The following NDST1 variants were observed in gnomAD, a reference collection of about 807,000 sequenced individuals.
The protein encoded by NDST1 is bifunctional heparan sulfate N-deacetylase/N-sulfotransferase 1.
Under a neutral mutation model 92.8 loss-of-function variants are expected in NDST1, and 35 were observed. The observed-to-expected ratio is 0.38, with a 90% CI of 0.29 to 0.50. The LOEUF is 0.50. NDST1 is among the 20% of genes least tolerant of loss of function. The pLI, the probability that NDST1 is intolerant of heterozygous loss-of-function variation, is 0.94. For missense variants in NDST1, 822 were observed against 1,182.7 expected, an observed-to-expected ratio of 0.69 and a Z score of 4.47; for synonymous variants, 493 against 500.3, an observed-to-expected ratio of 0.99 and a Z score of 0.19.
intron 1 of NDST1, among the ~76,000 whole-genome samples, chr5:150,498,472 G>A (rs948572801): frequency 2.0e-5 from 3 of 152,172 alleles, no homozygotes; most frequent in African/African-American, 2.4e-5. Context: ...CCCTGGCTCC[G>A]CACTCTGTGC....
At chr5:150,544,765 C>T (rs1355474669) in intron 10 of NDST1, among the ~76,000 whole-genome samples, 4 of 152,236 alleles carry the variant, frequency 2.6e-5, no homozygotes, top group African/African-American at 9.6e-5. Context: ...GAAAGCCGTG[C>T]TCACCCACAG....
At chr5:150,548,184 A>C in intron 11 of NDST1, 34 bp from the exon 12 acceptor site, 1 of 1,613,854 alleles carries the variant, frequency 6.2e-7, no homozygotes, top group Non-Finnish European at 8.5e-7. Context: ...TGTGTCCTCC[A>C]AGTGGCATGC....
At chr5:150,544,024 C>T (rs572616273) in intron 10 of NDST1, among the ~76,000 whole-genome samples, 168 of 152,264 alleles carry the variant, frequency 1.1e-3, no homozygotes, top group African/African-American at 3.8e-3. Flanking sequence ...GTGATCTGCC[C>T]GCCTCGGCCT....
At chr5:150,508,328 T>A in intron 1 of NDST1, 102 bp downstream of exon 1, 1 of 149,088 alleles carries the variant, frequency 6.7e-6, no homozygotes, top group Non-Finnish European at 1.5e-5. Context: ...TCTGAGTGTG[T>A]GTGTGTGTGT....
Position 150,556,083 on chromosome 5 carries a change from A to T in NDST1, c.*2751A>T, listed in dbSNP as rs370517144. ...AAGGACACCCCCTCCCGAGAAGAGA[A>T]GCCACAGATGAGTGGGCCAGCGAGG... On this transcript the variant is annotated 3_prime_UTR_variant, in exon 15 of 15. Coordinates refer to ENST00000261797, the MANE Select transcript of NDST1 (RefSeq NM_001543.5). 3.9e-5 allele frequency: 6 copies of T among 152,256 alleles called. No individual in the cohort carries two copies. The highest frequency in any genetic ancestry group is 1.9e-4 in the East Asian group (1 of 5,200). The allele number at this position is 152,256 out of a possible 1,614,324, so 9.4% of individuals were successfully genotyped here. A position where few individuals can be genotyped will look rare whatever the true frequency, so the allele number is the denominator to read the frequency against.
In NDST1 at chr5:150,556,300, G is replaced by A. The variant is rs1387505799; in HGVS notation, c.*2968G>A. On this transcript the variant is annotated 3_prime_UTR_variant, in exon 15 of 15. Transcript: ENST00000261797. ...ATTCAGAGTTCCAGAGCCTTCTGTGGTGGAGCATCCTGCTGCTTGGAGGAT... is the reference window on the plus strand; with the variant it reads ...ATTCAGAGTTCCAGAGCCTTCTGTGATGGAGCATCCTGCTGCTTGGAGGAT... 6.6e-6 allele frequency: 1 copy of A among 152,140 alleles called. No individual in the cohort carries two copies. Among genetic ancestry groups the A allele is most frequent in the Admixed American group, 6.5e-5 (1 of 15,274 alleles). The allele number at this position is 152,140 out of a possible 1,614,324, so 9.4% of individuals were successfully genotyped here.
In NDST1 at chr5:150,534,869, A is replaced by G; in HGVS notation, c.1099A>G (p.Thr367Ala). The G allele has an allele frequency of 6.2e-7, 1 of 1,614,252 alleles. No homozygotes were observed. ...CTGAGCTGCCTGTGTTGCTGCAGGT[A>G]CCAATGCTGAGGACGCTGGGGATGA... Reference protein sequence around the residue: ...GYSGKFFHTGTNAEDAGDDLL... With the variant: ...GYSGKFFHTGANAEDAGDDLL... The change falls in exon 5 of 15, where the codon ACC becomes GCC. Residue 367 changes from threonine (T) to alanine (A), a missense_variant and splice_region_variant. Transcript: ENST00000261797.
Position 150,549,512 on chromosome 5 carries a change from G to C in NDST1, c.2317-166G>C, listed in dbSNP as rs942190317. Among the ~76,000 whole-genome samples, 12 of 152,326 alleles carry C rather than the reference G, an allele frequency of 7.9e-5. No individual in the cohort carries two copies. In the South Asian group the frequency reaches 2.3e-3, roughly 29 times the overall value. On this transcript the variant is annotated intron_variant, in intron 12 of 14. Transcript: ENST00000261797. ...GGTGGAAAGCAGGCGTGAGACCACA[G>C]AGGCCTGAGCTTGGGGATACCTGCC... is the stretch of plus-strand genomic sequence containing the variant.
chr5:150,540,138 C>T lies in NDST1; in HGVS notation c.1623C>T (p.Tyr541=). The part of the protein sequence containing the change: ...SNYGNDRLGL[Y]TFKHLVRFLH... The stretch of plus-strand genomic sequence containing the variant: ...ATGGGAATGACCGCCTGGGCCTGTA[C>T]ACCTTCAAGCACCTGGTGCGCTTCC... The change falls in exon 8 of 15, where the codon TAC becomes TAT. Residue 541 remains tyrosine (Y), a synonymous_variant. Coordinates refer to ENST00000261797, the MANE Select transcript of NDST1 (RefSeq NM_001543.5). 1.5e-5 allele frequency: 24 copies of T among 1,614,218 alleles called. No homozygotes were observed. The highest frequency in any genetic ancestry group is 1.3e-5 in the African/African-American group (1 of 75,044).
Position 150,553,224 on chromosome 5 carries a change from C to G in NDST1, c.2541C>G (p.Phe847Leu), listed in dbSNP as rs1007474057. The G allele has an allele frequency of 1.9e-6, 3 of 1,613,384 alleles. No homozygotes were observed. Among genetic ancestry groups the G allele is most frequent in the Non-Finnish European group, 2.5e-6 (3 of 1,179,612 alleles). ...YPEMDLDSRA[F>L]LKDYYRDHNI... is the part of the protein sequence containing the mutation. ...CCTTCCCGTTACAGTCCCGAGCCTT[C>G]CTGAAGGACTATTACCGGGACCACA... The change falls in exon 15 of 15, where the codon TTC (phenylalanine) becomes TTG (leucine). Residue 847 changes from phenylalanine to leucine, a missense_variant. Transcript: ENST00000261797. The surrounding 1 kb of genome is among the most constrained non-coding windows in gnomAD (Gnocchi z 4.2).
intron 8 of NDST1, among the ~76,000 whole-genome samples, chr5:150,540,905 G>A (rs897058398): frequency 2.0e-5 from 3 of 152,238 alleles, no homozygotes; most frequent in African/African-American, 7.2e-5. Context: ...ATAATCTCTT[G>A]TATCTCTTCT....
At chr5:150,530,189 G>C (rs1044673207) in intron 3 of NDST1, among the ~76,000 whole-genome samples, 3 of 152,192 alleles carry the variant, frequency 2.0e-5, no homozygotes, top group Non-Finnish European at 4.4e-5. Flanking sequence ...CAGCCCTCCA[G>C]GCTCCACCTT....
At chr5:150,533,832 C>G (rs1356500473) in intron 4 of NDST1, among the ~76,000 whole-genome samples, 1 of 151,850 alleles carries the variant, frequency 6.6e-6, no homozygotes, top group African/African-American at 2.4e-5. Context: ...CCTGTAATCC[C>G]AGCACTTTGG....
chr5:150,498,415 T>A (rs764314620), intron 1 of NDST1, among the ~76,000 whole-genome samples: 2 of 152,262 alleles, frequency 1.3e-5, no homozygotes, highest in Non-Finnish European at 2.9e-5. Context: ...GCTATGAATT[T>A]GCTGAGTGAT....
In NDST1 at chr5:150,532,972, C is replaced by G; in HGVS notation, c.1036C>G (p.Arg346Gly). ...KALFDTQNEL[R>G]AHIPNFTFNL... ...CCTGTTTGACACACAGAACGAACTA[C>G]GCGCACACATCCCAAACTTCACCTT... is the stretch of plus-strand genomic sequence containing the variant. Residue 346 changes from arginine (R) to glycine (G), a missense_variant, in exon 4 of 15, where the codon CGC (arginine) becomes GGC (glycine). By Grantham distance (125) the Arg-to-Gly change is moderately radical. Coordinates refer to ENST00000261797, the MANE Select transcript of NDST1 (RefSeq NM_001543.5). 3 of 1,614,218 alleles carry G rather than the reference C, an allele frequency of 1.9e-6. No homozygotes were observed. The highest frequency in any genetic ancestry group is 2.5e-6 in the Non-Finnish European group (3 of 1,180,034).
upstream of NDST1, chr5:150,507,496 T>C (rs1243736339): frequency 6.6e-6 from 1 of 152,320 alleles, no homozygotes; most frequent in Non-Finnish European, 1.5e-5. Flanking sequence ...AAGACCCTTT[T>C]CAGCTCTAGC....
upstream of NDST1, among the ~76,000 whole-genome samples, chr5:150,504,634 A>G (rs1194543837): frequency 6.6e-6 from 1 of 152,198 alleles, no homozygotes; most frequent in Non-Finnish European, 1.5e-5. Flanking sequence ...CTCTGGAGCC[A>G]GTCTGAACTC....
At chr5:150,516,946 G>A (rs185156195) in intron 1 of NDST1, among the ~76,000 whole-genome samples, 1 of 151,908 alleles carries the variant, frequency 6.6e-6, no homozygotes, top group African/African-American at 2.4e-5. Flanking sequence ...GATGACAGGC[G>A]TGAGCCACCA....
intron 6 of NDST1, 79 bp from the exon 7 acceptor site, chr5:150,539,149 T>G: frequency 8.2e-7 from 1 of 1,220,364 alleles, no homozygotes; most frequent in South Asian, 1.2e-5. Flanking sequence ...CAGCTGGGCC[T>G]TCTTCCTCTG....
Sources: allele counts gnomAD v4.1 joint callset (sites outside exome capture counted in the v4.1 genomes callset), GRCh38; gene constraint gnomAD v4.1.1; non-coding constraint Gnocchi (gnomAD v3.1); transcripts MANE v1.5; gene names NCBI Gene and HGNC (gene_info 2026-07-23, HGNC 2026-07-21).